The following TAFA1 variants were observed in gnomAD, a reference collection of about 807,000 sequenced individuals.
The protein encoded by TAFA1 is chemokine-like protein TAFA-1.
Under a neutral mutation model 18.5 loss-of-function variants are expected in TAFA1, and 4 were observed. The ratio of observed to expected loss-of-function variants is 0.22; its 90% CI spans 0.11 to 0.49. TAFA1 has a LOEUF of 0.49. Among genes scored for constraint, TAFA1 ranks in the 20% least tolerant of loss-of-function variants. The pLI, the probability that TAFA1 is intolerant of heterozygous loss-of-function variation, is 0.98. For missense variants in TAFA1, 147 were observed against 169.0 expected (o/e 0.87, Z 0.72); for synonymous variants, 56 against 55.2 (o/e 1.01, Z -0.06).
Position 68,280,616 on chromosome 3 carries a change from G to GT in TAFA1, c.119-136654dup, listed in dbSNP as rs10706490. Among the ~76,000 whole-genome samples, 41 of 148,592 alleles carry GT rather than the reference G, an allele frequency of 2.8e-4. 1 individual carries two copies. The highest frequency in any genetic ancestry group is 3.5e-3 in the Middle Eastern group (1 of 288). On this transcript the variant is annotated intron_variant, in intron 2 of 4. Coordinates refer to ENST00000478136, the MANE Select transcript of TAFA1 (RefSeq NM_213609.4). ...TTGACCATGCATTGAGTGGACTTTT[G>GT]TTTTTTTTTTCCCCCTTCTGCACAG...
intron 2 of TAFA1, among the ~76,000 whole-genome samples, chr3:68,123,091 C>T (rs2065420968): frequency 6.6e-6 from 1 of 151,880 alleles, no homozygotes; most frequent in Admixed American, 6.6e-5. Flanking sequence ...ACATTTCTTG[C>T]ACAAATGTTT....
Position 68,517,945 on chromosome 3 carries a change from C to CAT in TAFA1, c.260-20810_260-20809insTA, listed in dbSNP as rs1330710568. Among the ~76,000 whole-genome samples the CAT allele has an allele frequency of 1.3e-3, 192 of 150,292 alleles. 3 individuals carry two copies. The highest frequency in any genetic ancestry group is 4.9e-4 in the Non-Finnish European group (33 of 67,244). ...GCTGATAAACACACACACACACACA[C>CAT]ACTCACACACACTCGCACACTTTTG... On this transcript the variant is annotated intron_variant, in intron 3 of 4. Transcript: ENST00000478136.
intron 2 of TAFA1, among the ~76,000 whole-genome samples, chr3:68,412,295 A>C (rs2070733486): frequency 6.6e-6 from 1 of 151,894 alleles, no homozygotes; most frequent in Non-Finnish European, 1.5e-5. Flanking sequence ...TTCTGGTCTC[A>C]ATGCTGTTGG....
intron 3 of TAFA1, among the ~76,000 whole-genome samples, chr3:68,536,984 A>AT (rs962414892): frequency 1.3e-5 from 2 of 152,018 alleles, no homozygotes; most frequent in African/African-American, 4.8e-5. Flanking sequence ...CAGTCAATTC[A>AT]TTTTTTCTAT....
chr3:68,484,529 G>A (rs1393406628), intron 3 of TAFA1, among the ~76,000 whole-genome samples: 1 of 152,134 alleles, frequency 6.6e-6, no homozygotes, highest in African/African-American at 2.4e-5. Flanking sequence ...TCTGGAGGTT[G>A]GCATGAGCAA....
At chr3:68,149,420 C>G (rs957839117) in intron 2 of TAFA1, among the ~76,000 whole-genome samples, 60 of 152,128 alleles carry the variant, frequency 3.9e-4, no homozygotes, top group African/African-American at 1.2e-3. Context: ...GCTTATTTGG[C>G]TCACAGTTCT....
chr3:68,427,254 C>T (rs2071074295), intron 3 of TAFA1, among the ~76,000 whole-genome samples: 1 of 151,902 alleles, frequency 6.6e-6, no homozygotes, highest in Non-Finnish European at 1.5e-5. Flanking sequence ...TAGCACTTTT[C>T]ATCCTTTCTT....
At chr3:68,327,448 C>T (rs1320468930) in intron 2 of TAFA1, among the ~76,000 whole-genome samples, 3 of 152,038 alleles carry the variant, frequency 2.0e-5, no homozygotes, top group East Asian at 1.9e-4. Context: ...GGGGATACAA[C>T]ATGAGTGAAG....
At chr3:68,049,567 A>G (rs1364244741) in intron 2 of TAFA1, among the ~76,000 whole-genome samples, 2 of 151,970 alleles carry the variant, frequency 1.3e-5, no homozygotes, top group Non-Finnish European at 2.9e-5. Flanking sequence ...TTGTACTACT[A>G]TCAGGCCTGG....
At chr3:67,999,287 C>CTGTGTGTGTGTG (rs796820506), upstream of TAFA1, among the ~76,000 whole-genome samples, 550 of 147,698 alleles carry the variant, frequency 3.7e-3, 4 homozygotes, top group South Asian at 7.7e-3. Context: ...CCCCCTCTCT[C>CTGTGTGTGTGTG]TGTGTGTGTG....
rs186574296 is a variant in TAFA1 at position 68,048,804 on chromosome 3, T to C, written c.118+42060T>C. 6.6e-5 allele frequency among the ~76,000 whole-genome samples: 10 copies of C among 152,318 alleles called. No individual in the cohort carries two copies. The East Asian group carries it at 1.9e-3, about 29-fold the overall frequency. The stretch of plus-strand genomic sequence containing the variant: ...AATGACAAAATCTCATTCTTTTTAA[T>C]GGCTGAATAGTACTCTATTGTGCGT... On this transcript the variant is annotated intron_variant, in intron 2 of 4. Coordinates refer to ENST00000478136, the MANE Select transcript of TAFA1 (RefSeq NM_213609.4).
At chr3:68,324,878 G>C (rs1322279170) in intron 2 of TAFA1, among the ~76,000 whole-genome samples, 1 of 152,184 alleles carries the variant, frequency 6.6e-6, no homozygotes, top group African/African-American at 2.4e-5. Flanking sequence ...GATTTGTTCT[G>C]TTTTGTAGTT....
intron 2 of TAFA1, among the ~76,000 whole-genome samples, chr3:68,323,338 G>T (rs1012514380): frequency 6.6e-6 from 1 of 152,164 alleles, no homozygotes; most frequent in Non-Finnish European, 1.5e-5. Context: ...ATAGATTCAC[G>T]TGGCCAGAAC....
chr3:68,473,273 A>G (rs2072035141), intron 3 of TAFA1, among the ~76,000 whole-genome samples: 1 of 152,142 alleles, frequency 6.6e-6, no homozygotes, highest in African/African-American at 2.4e-5. Context: ...GAGGAATAGG[A>G]TTCTAGGATA....
At chr3:68,473,020 C>A (rs940721178) in intron 3 of TAFA1, among the ~76,000 whole-genome samples, 2 of 152,058 alleles carry the variant, frequency 1.3e-5, no homozygotes, top group Non-Finnish European at 2.9e-5. Flanking sequence ...TTTAAGAAAT[C>A]TCGAAGTAAT....
At chr3:68,212,870 G>T (rs1247626349) in intron 2 of TAFA1, among the ~76,000 whole-genome samples, 2 of 151,990 alleles carry the variant, frequency 1.3e-5, no homozygotes, top group Non-Finnish European at 1.5e-5. Context: ...CAGCTATGTG[G>T]TTGAATCACA....
At chr3:68,080,896 C>T (rs1559512700) in intron 2 of TAFA1, among the ~76,000 whole-genome samples, 1 of 152,090 alleles carries the variant, frequency 6.6e-6, no homozygotes, top group South Asian at 2.1e-4. Flanking sequence ...TGGATAATAT[C>T]CTGCAGAGTG....
At chr3:68,298,754 C>A (rs2068255200) in intron 2 of TAFA1, among the ~76,000 whole-genome samples, 2 of 152,206 alleles carry the variant, frequency 1.3e-5, no homozygotes, top group African/African-American at 4.8e-5. Flanking sequence ...TCCCCTTTGC[C>A]TTCCACCATG....
intron 2 of TAFA1, among the ~76,000 whole-genome samples, chr3:68,019,937 A>T (rs1010155798): frequency 2.0e-5 from 3 of 152,218 alleles, no homozygotes; most frequent in African/African-American, 4.8e-5. Context: ...TCAACCTCTG[A>T]ATCCTTCCAA....
Sources: gnomAD v4.1 joint callset for allele counts (sites outside exome capture counted in the v4.1 genomes callset) on GRCh38, gnomAD v4.1.1 for gene constraint, MANE v1.5 for transcripts, NCBI Gene and HGNC (gene_info 2026-07-23, HGNC 2026-07-21) for gene names.